Variants in DLGAP1 observed in about 807,000 individuals in gnomAD.
DLGAP1 encodes the protein DLG associated protein 1, also known as disks large-associated protein 1.
DLGAP1 carries 11 observed loss-of-function variants against 90.8 expected under a neutral mutation model. That is an observed-to-expected ratio of 0.12 (90% CI 0.08 to 0.20). DLGAP1 has a LOEUF of 0.20. Among genes scored for constraint, DLGAP1 ranks in the 10% least tolerant of loss-of-function variants. DLGAP1 has a pLI of 1.00. For synonymous variants in DLGAP1, 558 were observed against 540.7 expected, an observed-to-expected ratio of 1.03 and a Z score of -0.44; for missense variants, 1,050 against 1,333.8, an observed-to-expected ratio of 0.79 and a Z score of 3.31.
Position 3,785,947 on chromosome 18 carries a change from C to T in DLGAP1, c.1172+28112G>A, listed in dbSNP as rs984925450. On this transcript the variant is annotated intron_variant, in intron 5 of 12. Coordinates refer to ENST00000315677, the MANE Select transcript of DLGAP1 (RefSeq NM_004746.4). ...TGCTGGCTTCCTTCAGCCTTTTTTCCCTCCTAGAGGCAGTCTATATTTCTT... is the reference window on the plus strand; with the variant it reads ...TGCTGGCTTCCTTCAGCCTTTTTTCTCTCCTAGAGGCAGTCTATATTTCTT... Among the ~76,000 whole-genome samples, 4 of 152,048 alleles carry T rather than the reference C, an allele frequency of 2.6e-5. No individual in the cohort carries two copies. The East Asian group carries it at 5.8e-4, about 22-fold the overall frequency.
intron 3 of DLGAP1, among the ~76,000 whole-genome samples, chr18:3,915,078 T>C (rs190299314): frequency 6.6e-5 from 10 of 152,312 alleles, no homozygotes; most frequent in African/African-American, 2.4e-4. Context: ...AGGTGGTATC[T>C]CATTGTGGTT....
At position 3,578,594 on chromosome 18, in the gene DLGAP1, A is replaced by T. The variant is rs1678653415; in HGVS notation, c.1965+3281T>A. ...ATGGTGTCGATCTCTTGACCTCGTG[A>T]TCTGCCCACCTCAGCCTCCCAAAGT... On this transcript the variant is annotated intron_variant, in intron 8 of 12. Transcript: ENST00000315677. Among the ~76,000 whole-genome samples the T allele has an allele frequency of 2.6e-5, 4 of 151,658 alleles. No individual in the cohort carries two copies. The South Asian group carries it at 8.3e-4, about 32-fold the overall frequency.
intron 1 of DLGAP1, among the ~76,000 whole-genome samples, chr18:4,424,705 A>G (rs1291508002): frequency 1.3e-5 from 2 of 152,220 alleles, no homozygotes; most frequent in East Asian, 3.8e-4. Context: ...TTAATCACAA[A>G]TTGGAAAAGA....
chr18:3,803,880 AAAC>A (rs1027354044), intron 5 of DLGAP1, among the ~76,000 whole-genome samples: 3 of 150,304 alleles, frequency 2.0e-5, no homozygotes, highest in African/African-American at 7.3e-5. Context: ...TATTTATGTT[AAAC>A]AATAGGAAGA....
intron 5 of DLGAP1, among the ~76,000 whole-genome samples, chr18:3,799,573 T>G (rs2148314223): frequency 6.6e-6 from 1 of 152,100 alleles, no homozygotes; most frequent in East Asian, 1.9e-4. Context: ...AATTTTACAT[T>G]GTTACCTCCG....
rs1262951469 is a variant in DLGAP1, at chr18:4,342,494, C to T, written c.-267+112512G>A. Among the ~76,000 whole-genome samples, 2 of 152,092 alleles carry T rather than the reference C, an allele frequency of 1.3e-5. No homozygotes were observed. The highest frequency in any genetic ancestry group is 2.1e-4 in the South Asian group (1 of 4,824). ...GCCATTTCTAACTTTGATCAAATGG[C>T]CTAATGTTACCTCATTGCCCACTTT... is the stretch of plus-strand genomic sequence containing the variant. On this transcript the variant is annotated intron_variant, in intron 1 of 12. Transcript: ENST00000315677. The surrounding 1 kb of genome is among the most constrained non-coding windows in gnomAD (Gnocchi z 5.8).
chr18:3,525,469 G>A (rs1390726000), intron 10 of DLGAP1, among the ~76,000 whole-genome samples: 2 of 151,982 alleles, frequency 1.3e-5, no homozygotes, highest in Non-Finnish European at 2.9e-5. Context: ...GCGTGATCTC[G>A]GCTCACTGCA....
At chr18:4,339,831 A>C (rs1305369666) in intron 1 of DLGAP1, among the ~76,000 whole-genome samples, 1 of 152,238 alleles carries the variant, frequency 6.6e-6, no homozygotes, top group Non-Finnish European at 1.5e-5. Context: ...AAATTCTTGC[A>C]CAAAAAGTGA....
chr18:3,551,997 AG>A (rs1385441978), intron 9 of DLGAP1, among the ~76,000 whole-genome samples: 2 of 150,214 alleles, frequency 1.3e-5, no homozygotes, highest in East Asian at 2.0e-4. Context: ...TTGTAGATAG[AG>A]GGTCTCACTA....
intron 5 of DLGAP1, among the ~76,000 whole-genome samples, chr18:3,794,759 C>T (rs9964014): frequency 0.13 from 19,417 of 152,266 alleles, 1,302 homozygotes; most frequent in Middle Eastern, 0.16. Flanking sequence ...GGCTGTGTGG[C>T]TGGGAGTTAC....
chr18:3,742,139 G>T (rs143186619), intron 6 of DLGAP1, among the ~76,000 whole-genome samples, 196 bp downstream of exon 6: 185 of 152,240 alleles, frequency 1.2e-3, no homozygotes, highest in African/African-American at 4.4e-3. Context: ...CCCACCTCCT[G>T]GCAGACCATT....
chr18:4,072,939 T>C (rs917823374), intron 2 of DLGAP1, among the ~76,000 whole-genome samples: 1 of 152,288 alleles, frequency 6.6e-6, no homozygotes, highest in Middle Eastern at 3.4e-3. Flanking sequence ...GAGTTAGTAA[T>C]GTTGGAGTAA....
In DLGAP1 at chr18:4,299,376, TG is replaced by T. The variant is rs199615408; in HGVS notation, c.-266-148090del. ...TTTCTTTGAAGAAATCACTTTCATG[TG>T]TTTGATTTTTTTAATTCAAATATTT... On this transcript the variant is annotated intron_variant, in intron 1 of 12. Coordinates refer to ENST00000315677, the MANE Select transcript of DLGAP1 (RefSeq NM_004746.4). Among the ~76,000 whole-genome samples the T allele has an allele frequency of 1.4e-3, 216 of 152,322 alleles. 6 individuals are homozygous for T. In the East Asian group the frequency reaches 0.037, roughly 26 times the overall value.
intron 2 of DLGAP1, among the ~76,000 whole-genome samples, chr18:4,147,844 T>C (rs911125969): frequency 2.0e-5 from 3 of 152,192 alleles, no homozygotes; most frequent in Non-Finnish European, 4.4e-5. Flanking sequence ...TGACTCAAAC[T>C]GTAACGCAGA....
At chr18:3,895,447 C>T (rs2071598266) in intron 3 of DLGAP1, among the ~76,000 whole-genome samples, 1 of 152,104 alleles carries the variant, frequency 6.6e-6, no homozygotes, top group African/African-American at 2.4e-5. Context: ...TATGCTTTTT[C>T]CCTCACTTGA....
chr18:3,620,969 A>G (rs544859231), intron 7 of DLGAP1, among the ~76,000 whole-genome samples: 1 of 152,334 alleles, frequency 6.6e-6, no homozygotes, highest in Admixed American at 6.5e-5. Context: ...CAGTAGTGTC[A>G]GCACCTGGGA....
intron 2 of DLGAP1, among the ~76,000 whole-genome samples, chr18:4,102,466 G>A (rs1363054150): frequency 6.6e-6 from 1 of 152,144 alleles, no homozygotes; most frequent in African/African-American, 2.4e-5. Context: ...GATCTCTTTT[G>A]TGCTGGATGT....
At chr18:3,782,193 G>A (rs1158506069) in intron 5 of DLGAP1, among the ~76,000 whole-genome samples, 2 of 151,362 alleles carry the variant, frequency 1.3e-5, no homozygotes, top group African/African-American at 4.9e-5. Context: ...CTGGAGTGCA[G>A]TGGTGCAATC....
intron 5 of DLGAP1, among the ~76,000 whole-genome samples, chr18:3,754,218 G>A (rs1399509869): frequency 1.3e-5 from 2 of 152,072 alleles, no homozygotes; most frequent in African/African-American, 4.8e-5. Flanking sequence ...GTCCAGGCTG[G>A]TCTTGAACTC....
Sources: allele counts gnomAD v4.1 joint callset (sites outside exome capture counted in the v4.1 genomes callset), GRCh38; gene constraint gnomAD v4.1.1; non-coding constraint Gnocchi (gnomAD v3.1); transcripts MANE v1.5; gene names NCBI Gene and HGNC (gene_info 2026-07-23, HGNC 2026-07-21).